Variants in DCDC2 observed in about 807,000 individuals in gnomAD.
DCDC2 encodes the protein doublecortin domain containing 2.
A neutral mutation model predicts 50.2 loss-of-function variants in DCDC2; 40 were observed. That is an observed-to-expected ratio of 0.80 (90% CI 0.62 to 1.04). DCDC2 has a LOEUF of 1.04. Ranked by LOEUF, DCDC2 falls within the 50% of genes least tolerant of loss-of-function variation. The probability of loss-of-function intolerance (pLI) is 0.00; values close to 1 mark genes in which losing one functional copy is unlikely to be tolerated. For missense variants in DCDC2, 570 were observed against 581.9 expected (o/e 0.98, Z 0.21); for synonymous variants, 234 against 210.6 (o/e 1.11, Z -0.96).
At chr6:24,324,282 C>T (rs1030674345) in intron 2 of DCDC2, among the ~76,000 whole-genome samples, 1 of 152,242 alleles carries the variant, frequency 6.6e-6, no homozygotes, top group East Asian at 1.9e-4. Flanking sequence ...CCAGTGACCA[C>T]CCCCTTACCT....
the DCDC2 span, among the ~76,000 whole-genome samples, chr6:24,374,577 C>CAACAAAAA: frequency 1.7e-5 from 1 of 57,472 alleles, no homozygotes; most frequent in Non-Finnish European, 2.9e-5. Flanking sequence ...AGACTCCATC[C>CAACAAAAA]AAAAAAAAAA....
intron 7 of DCDC2, among the ~76,000 whole-genome samples, chr6:24,220,549 G>A (rs1423752450): frequency 6.6e-6 from 1 of 152,094 alleles, no homozygotes; most frequent in Non-Finnish European, 1.5e-5. Context: ...GCCCTGGAAG[G>A]GTAACTGTCA....
intron 7 of DCDC2, among the ~76,000 whole-genome samples, chr6:24,235,695 T>A (rs1168112761): frequency 6.6e-6 from 1 of 152,154 alleles, no homozygotes; most frequent in East Asian, 1.9e-4. Context: ...GCCAACATCA[T>A]GCTGAACAGA....
intron 7 of DCDC2, among the ~76,000 whole-genome samples, chr6:24,260,792 A>T (rs925252771): frequency 6.6e-6 from 1 of 152,244 alleles, no homozygotes; most frequent in Non-Finnish European, 1.5e-5. Flanking sequence ...AAAAAGTGCC[A>T]GAGAAAATAT....
intron 4 of DCDC2, among the ~76,000 whole-genome samples, chr6:24,300,721 CAG>C (rs1759353973): frequency 6.6e-6 from 1 of 152,142 alleles, no homozygotes; most frequent in African/African-American, 2.4e-5. Context: ...ACACTTGAAA[CAG>C]TGTACTCTGC....
At chr6:24,293,155 G>A (rs539211214) in intron 4 of DCDC2, among the ~76,000 whole-genome samples, 1 of 152,246 alleles carries the variant, frequency 6.6e-6, no homozygotes, top group East Asian at 1.9e-4. Flanking sequence ...GCCCAGGTTG[G>A]TCTCGAACTC....
upstream of DCDC2, among the ~76,000 whole-genome samples, chr6:24,358,547 G>A (rs930839352): frequency 7.0e-6 from 1 of 143,018 alleles, no homozygotes; most frequent in African/African-American, 2.7e-5. Flanking sequence ...TAGGTGGGCA[G>A]GGTATTCGCC....
intron 7 of DCDC2, among the ~76,000 whole-genome samples, chr6:24,255,023 G>A (rs1382046394): frequency 6.6e-6 from 1 of 151,982 alleles, no homozygotes; most frequent in Non-Finnish European, 1.5e-5. Context: ...TCTTAAAGAA[G>A]AACTGAATAT....
At chr6:24,248,189 C>A (rs1439473058) in intron 7 of DCDC2, among the ~76,000 whole-genome samples, 2 of 152,210 alleles carry the variant, frequency 1.3e-5, no homozygotes, top group Non-Finnish European at 2.9e-5. Context: ...TTGTTGTGGG[C>A]ATTAAATGAA....
intron 2 of DCDC2, among the ~76,000 whole-genome samples, chr6:24,312,363 C>A (rs1269256957): frequency 1.3e-5 from 2 of 152,190 alleles, no homozygotes; most frequent in South Asian, 2.1e-4. Context: ...ATCCCAGTAA[C>A]TTCTAGAAAT....
chr6:24,342,912 C>A (rs1162408980), intron 2 of DCDC2, among the ~76,000 whole-genome samples: 2 of 152,144 alleles, frequency 1.3e-5, no homozygotes, highest in African/African-American at 4.8e-5. Flanking sequence ...CATTTTTACT[C>A]TTTTCATGTA....
chr6:24,299,837 T>C (rs1023779619), intron 4 of DCDC2, among the ~76,000 whole-genome samples: 3 of 151,960 alleles, frequency 2.0e-5, no homozygotes, highest in Non-Finnish European at 2.9e-5. Context: ...GAGAATCACT[T>C]GAACCCAGGA....
chr6:24,212,698 CT>C lies in DCDC2; in HGVS notation c.923-7597del, dbSNP rs373530855. Among the ~76,000 whole-genome samples the C allele has an allele frequency of 9.7e-3, 1,480 of 152,312 alleles. 23 individuals are homozygous for C. The highest frequency in any genetic ancestry group is 0.033 in the African/African-American group (1,386 of 41,560). On this transcript the variant is annotated intron_variant, in intron 7 of 9. Transcript: ENST00000378454. ...CACTACACCCAAATTCAGCTCTCAT[CT>C]TTTTTTCTTTGAACGTGAACAGACA...
At chr6:24,334,773 A>G (rs1187436640) in intron 2 of DCDC2, among the ~76,000 whole-genome samples, 1 of 152,236 alleles carries the variant, frequency 6.6e-6, no homozygotes, top group Non-Finnish European at 1.5e-5. Context: ...ATGTTGCTCC[A>G]GCAACTCTAA....
At chr6:24,339,453 A>AT (rs775639835) in intron 2 of DCDC2, among the ~76,000 whole-genome samples, 4 of 152,078 alleles carry the variant, frequency 2.6e-5, no homozygotes, top group Non-Finnish European at 5.9e-5. Flanking sequence ...TGCTCATATC[A>AT]TTTTTTTGAT....
At chr6:24,352,997 C>T (rs1011964892) in intron 2 of DCDC2, among the ~76,000 whole-genome samples, 17 of 152,318 alleles carry the variant, frequency 1.1e-4, no homozygotes, top group African/African-American at 2.6e-4. Flanking sequence ...TCAGAAGCTA[C>T]GTGGAATGCG....
intron 7 of DCDC2, among the ~76,000 whole-genome samples, chr6:24,219,641 T>G (rs1452444715): frequency 6.6e-6 from 1 of 152,206 alleles, no homozygotes; most frequent in East Asian, 1.9e-4. Context: ...ATACGACCTG[T>G]GCGGTCACAC....
At chr6:24,191,380 T>C (rs1380275249) in intron 8 of DCDC2, among the ~76,000 whole-genome samples, 3 of 152,200 alleles carry the variant, frequency 2.0e-5, no homozygotes, top group Non-Finnish European at 4.4e-5. Context: ...TAAACCTATT[T>C]CTGGTTACAG....
chr6:24,180,150 A>G (rs1007129107), intron 8 of DCDC2, among the ~76,000 whole-genome samples: 5 of 152,144 alleles, frequency 3.3e-5, no homozygotes, highest in Non-Finnish European at 4.4e-5. Context: ...GAAAAGTTAT[A>G]TAAAGTGTCA....
Sources: gnomAD v4.1 joint callset for allele counts (sites outside exome capture counted in the v4.1 genomes callset) on GRCh38, gnomAD v4.1.1 for gene constraint, MANE v1.5 for transcripts, NCBI Gene and HGNC (gene_info 2026-07-23, HGNC 2026-07-21) for gene names.